Variants in MITF observed in about 807,000 individuals in gnomAD.
MITF encodes the protein melanocyte inducing transcription factor, also known as microphthalmia-associated transcription factor.
In MITF, 17 loss-of-function variants were observed where a neutral mutation model predicts 60.5. The observed-to-expected ratio is 0.28, with a 90% CI of 0.19 to 0.42. The LOEUF (loss-of-function observed/expected upper bound fraction) is 0.42. MITF is among the 10% of genes least tolerant of loss of function. MITF has a pLI of 1.00. For synonymous variants in MITF, 260 were observed against 248.5 expected, an observed-to-expected ratio of 1.05 and a Z score of -0.43; for missense variants, 622 against 683.5, an observed-to-expected ratio of 0.91 and a Z score of 1.00.
At chr3:69,953,714 A>AG in intron 7 of MITF, among the ~76,000 whole-genome samples, 2 of 136,494 alleles carry the variant, frequency 1.5e-5, no homozygotes, top group Admixed American at 7.7e-5. Flanking sequence ...GAGACAGAGA[A>AG]AGAAAGAGAG....
chr3:69,813,596 A>T (rs1461927809), intron 1 of MITF, among the ~76,000 whole-genome samples: 3 of 152,204 alleles, frequency 2.0e-5, no homozygotes, highest in African/African-American at 7.2e-5. Flanking sequence ...TTGAATCATT[A>T]GCTTTTCTGG....
intron 2 of MITF, among the ~76,000 whole-genome samples, chr3:69,898,767 C>T (rs541041686): frequency 6.6e-6 from 1 of 152,156 alleles, no homozygotes; most frequent in East Asian, 1.9e-4. Flanking sequence ...ATCACTGTGA[C>T]CTTGGAAAGA....
Position 69,964,990 on chromosome 3 carries a change from C to A in MITF, c.1323C>A (p.Asp441Glu), listed in dbSNP as rs1352676830. Reference protein sequence around the residue: ...CSQDLLQHHADLTCTTTLDLT... With the variant: ...CSQDLLQHHAELTCTTTLDLT... ...AAGACCTCCTTCAGCATCATGCAGA[C>A]CTAACCTGTACAACAACTCTCGATC... Residue 441 changes from aspartate (D) to glutamate (E), a missense_variant, in exon 10 of 10, where the codon GAC becomes GAA. Asp to Glu is a conservative substitution (Grantham distance 45). Transcript: ENST00000352241. The A allele has an allele frequency of 6.2e-7, 1 of 1,614,008 alleles. No individual in the cohort carries two copies. Among genetic ancestry groups the A allele is most frequent in the Non-Finnish European group, 8.5e-7 (1 of 1,180,032 alleles).
intron 1 of MITF, among the ~76,000 whole-genome samples, chr3:69,786,026 A>G (rs150882224): frequency 1.2e-4 from 19 of 152,314 alleles, no homozygotes; most frequent in African/African-American, 4.1e-4. Context: ...TGGAAATTGT[A>G]CATTCTAACA....
At chr3:69,767,714 C>CGGAGTGTGGCTGGAGCACCAG (rs1377937465) in intron 1 of MITF, among the ~76,000 whole-genome samples, 1 of 152,142 alleles carries the variant, frequency 6.6e-6, no homozygotes, top group East Asian at 1.9e-4. Flanking sequence ...AGTCTAAGCA[C>CGGAGTGTGGCTGGAGCACCAG]GGAGTGTGGC....
At chr3:69,844,064 G>T (rs1013381735) in intron 1 of MITF, among the ~76,000 whole-genome samples, 2 of 152,136 alleles carry the variant, frequency 1.3e-5, no homozygotes, top group Non-Finnish European at 2.9e-5. Context: ...CCCTGCAAAG[G>T]AAAACAACTC....
intron 2 of MITF, among the ~76,000 whole-genome samples, chr3:69,933,027 A>T (rs1211069442): frequency 6.6e-6 from 1 of 152,030 alleles, no homozygotes; most frequent in Non-Finnish European, 1.5e-5. Flanking sequence ...TTAAAAATAT[A>T]TATATATAAA....
chr3:69,921,810 C>A (rs936508646), intron 2 of MITF, among the ~76,000 whole-genome samples: 1 of 152,168 alleles, frequency 6.6e-6, no homozygotes, highest in Non-Finnish European at 1.5e-5. Context: ...GGCACAGCCT[C>A]TTCTAGGATA....
In MITF at chr3:69,811,483, C is replaced by T. The variant is rs574007689; in HGVS notation, c.105-67651C>T. On this transcript the variant is annotated intron_variant, in intron 1 of 9. Transcript: ENST00000352241. ...CTCATCCATAAAGTCTGGTTAAATG[C>T]AGTGAGGATGCCTGCCAATACTAGC... Among the ~76,000 whole-genome samples the T allele has an allele frequency of 6.6e-4, 101 of 152,292 alleles. 1 individual carries two copies. The highest frequency in any genetic ancestry group is 2.4e-3 in the African/African-American group (98 of 41,564).
intron 1 of MITF, among the ~76,000 whole-genome samples, chr3:69,868,091 T>C (rs1419792639): frequency 6.6e-6 from 1 of 152,210 alleles, no homozygotes; most frequent in East Asian, 1.9e-4. Flanking sequence ...TTTGACTCGT[T>C]TTTAGATATT....
intron 1 of MITF, among the ~76,000 whole-genome samples, chr3:69,863,380 A>G (rs1318891837): frequency 6.6e-6 from 1 of 152,202 alleles, no homozygotes; most frequent in Non-Finnish European, 1.5e-5. Context: ...TTAGAACTGT[A>G]CTGTAAGGTA....
Position 69,959,226 on chromosome 3 carries a change from G to A in MITF, c.1032-47G>A, listed in dbSNP as rs767761013. ...GTGCTTTGAATATTGAATTTTCATT[G>A]AGCCTCAAATCCTAAAAATATCTGT... On this transcript the variant is annotated intron_variant, in intron 8 of 9. Coordinates refer to ENST00000352241, the MANE Select transcript of MITF (RefSeq NM_001354604.2). 10 of 1,607,252 alleles carry A rather than the reference G, an allele frequency of 6.2e-6. No homozygotes were observed. In the South Asian group the frequency reaches 1.1e-4, roughly 18 times the overall value.
At chr3:69,757,500 G>T (rs1704194449) in intron 1 of MITF, among the ~76,000 whole-genome samples, 1 of 152,192 alleles carries the variant, frequency 6.6e-6, no homozygotes, top group South Asian at 2.1e-4. Context: ...GCACAGGAGA[G>T]AAGACAGTTG....
chr3:69,917,276 G>A (rs927305263), intron 2 of MITF, among the ~76,000 whole-genome samples: 3 of 151,888 alleles, frequency 2.0e-5, no homozygotes, highest in Non-Finnish European at 2.9e-5. Flanking sequence ...TAGTATGCAT[G>A]GTTTGAGGAC....
chr3:69,857,971 C>A (rs937175888), intron 1 of MITF, among the ~76,000 whole-genome samples: 3 of 151,962 alleles, frequency 2.0e-5, no homozygotes, highest in Admixed American at 2.0e-4. Context: ...TCTGTATTAC[C>A]AGCCTTACCT....
At chr3:69,878,586 G>A (rs1233589952) in intron 1 of MITF, among the ~76,000 whole-genome samples, 3 of 152,068 alleles carry the variant, frequency 2.0e-5, no homozygotes, top group African/African-American at 7.2e-5. Context: ...TGGCCCAAAT[G>A]CTTCCTTCAT....
At chr3:69,806,330 C>A (rs1230473377) in intron 1 of MITF, among the ~76,000 whole-genome samples, 1 of 152,046 alleles carries the variant, frequency 6.6e-6, no homozygotes, top group African/African-American at 2.4e-5. Context: ...CAAGTGATCA[C>A]CTGCCTTGGC....
At chr3:69,826,399 T>C (rs571242154) in intron 1 of MITF, among the ~76,000 whole-genome samples, 26 of 152,238 alleles carry the variant, frequency 1.7e-4, no homozygotes, top group Non-Finnish European at 3.5e-4. Flanking sequence ...ATATAGTTCA[T>C]TCATTTTCAT....
chr3:69,863,115 A>T (rs1242373064), intron 1 of MITF, among the ~76,000 whole-genome samples: 1 of 152,156 alleles, frequency 6.6e-6, no homozygotes, highest in Non-Finnish European at 1.5e-5. Context: ...CATTTTAAAG[A>T]TATTCATCAA....
Sources: gnomAD v4.1 joint callset for allele counts (sites outside exome capture counted in the v4.1 genomes callset) on GRCh38, gnomAD v4.1.1 for gene constraint, MANE v1.5 for transcripts, NCBI Gene and HGNC (gene_info 2026-07-23, HGNC 2026-07-21) for gene names.